RNF144A: variants seen among roughly 807,000 people sequenced by gnomAD.
RNF144A encodes the protein E3 ubiquitin-protein ligase RNF144A.
A neutral mutation model predicts 38.7 loss-of-function variants in RNF144A; 11 were observed. The observed-to-expected ratio is 0.28, with a 90% CI of 0.18 to 0.47. The LOEUF (loss-of-function observed/expected upper bound fraction) is 0.47, where lower values mean the gene tolerates loss of function less well. RNF144A is among the 20% of genes least tolerant of loss of function. The pLI, the probability that RNF144A is intolerant of heterozygous loss-of-function variation, is 0.99. For missense variants in RNF144A, 316 were observed against 377.2 expected, an observed-to-expected ratio of 0.84 and a Z score of 1.34; for synonymous variants, 149 against 143.9, an observed-to-expected ratio of 1.04 and a Z score of -0.25.
At chr2:7,017,741 G>A (rs1671233342) in intron 5 of RNF144A, among the ~76,000 whole-genome samples, 1 of 152,194 alleles carries the variant, frequency 6.6e-6, no homozygotes, top group Non-Finnish European at 1.5e-5. Flanking sequence ...ACACACACGT[G>A]TGTAGATTGG....
At chr2:7,031,620 G>A (rs1184259985) in intron 8 of RNF144A, among the ~76,000 whole-genome samples, 2 of 152,232 alleles carry the variant, frequency 1.3e-5, no homozygotes, top group African/African-American at 4.8e-5. Flanking sequence ...CTTCAGGAGA[G>A]CCTCTGAGGC....
At chr2:7,007,954 C>T (rs1005257160) in intron 3 of RNF144A, among the ~76,000 whole-genome samples, 1 of 152,230 alleles carries the variant, frequency 6.6e-6, no homozygotes, top group Non-Finnish European at 1.5e-5. Flanking sequence ...TCCCTCTCCA[C>T]CAGCCCAGCA....
intron 8 of RNF144A, among the ~76,000 whole-genome samples, chr2:7,031,039 G>A (rs1029986933): frequency 3.3e-5 from 5 of 152,110 alleles, no homozygotes; most frequent in Admixed American, 2.0e-4. Flanking sequence ...AGGCGGTAAC[G>A]TGAGCAATGG....
intron 7 of RNF144A, among the ~76,000 whole-genome samples, chr2:7,029,457 G>T (rs139055522): frequency 1.3e-5 from 2 of 152,208 alleles, no homozygotes; most frequent in Non-Finnish European, 2.9e-5. Context: ...GGAGGGAGGC[G>T]TCCACAGGTG....
intron 6 of RNF144A, among the ~76,000 whole-genome samples, chr2:7,051,450 A>G (rs1673520904): frequency 6.6e-6 from 1 of 152,192 alleles, no homozygotes; most frequent in Non-Finnish European, 1.5e-5. Context: ...GGATTTGCCT[A>G]CGCCACGGTA....
In RNF144A at chr2:7,040,250, G is replaced by T. The variant is rs1672965526; in HGVS notation, c.*490G>T. 1 of 985,568 alleles carries T rather than the reference G, an allele frequency of 1.0e-6. No homozygotes were observed. The highest frequency in any genetic ancestry group is 1.2e-6 in the Non-Finnish European group (1 of 830,058). 61.1% of individuals were successfully genotyped at this position (985,568 alleles called of 1,614,324 possible). A position where few individuals can be genotyped will look rare whatever the true frequency, so the allele number is the denominator to read the frequency against. ...CATTTAGTAAAATCCTTTTTAGAAG[G>T]TATTTTTTTTCCAACTGAGTAGTGA... On this transcript the variant is annotated 3_prime_UTR_variant, in exon 9 of 9. Coordinates refer to ENST00000320892, the MANE Select transcript of RNF144A (RefSeq NM_014746.6).
At chr2:6,988,667 C>T (rs961871698) in intron 2 of RNF144A, among the ~76,000 whole-genome samples, 1 of 152,134 alleles carries the variant, frequency 6.6e-6, no homozygotes, top group Non-Finnish European at 1.5e-5. Flanking sequence ...CTCATTGAGG[C>T]AGCGTTTGTC....
intron 2 of RNF144A, among the ~76,000 whole-genome samples, chr2:6,975,540 C>T (rs973213918): frequency 1.1e-4 from 16 of 152,186 alleles, no homozygotes; most frequent in South Asian, 4.1e-4. Context: ...CTTGGATATT[C>T]GGCCAGATGC....
intron 6 of RNF144A, among the ~76,000 whole-genome samples, chr2:7,050,687 G>T (rs917338453): frequency 6.6e-6 from 1 of 152,174 alleles, no homozygotes; most frequent in African/African-American, 2.4e-5. Context: ...TATTTCAGTA[G>T]CATAAATTCT....
At chr2:7,058,055 A>G (rs1324687697) in intron 6 of RNF144A, among the ~76,000 whole-genome samples, 2 of 152,190 alleles carry the variant, frequency 1.3e-5, no homozygotes, top group Non-Finnish European at 2.9e-5. Flanking sequence ...ACAACATGAA[A>G]GAGGCAAAGA....
At chr2:7,069,564 TC>T (rs1252023306), downstream of RNF144A, among the ~76,000 whole-genome samples, 1 of 152,226 alleles carries the variant, frequency 6.6e-6, no homozygotes, top group Non-Finnish European at 1.5e-5. Context: ...TCTTTCCCAC[TC>T]CTTCTCTTTC....
downstream of RNF144A, among the ~76,000 whole-genome samples, chr2:7,071,311 G>T (rs903312237): frequency 6.6e-6 from 1 of 152,164 alleles, no homozygotes; most frequent in Non-Finnish European, 1.5e-5. Context: ...AGGCAGAAAC[G>T]CAATGGGCAG....
At chr2:7,024,280 A>T in intron 6 of RNF144A, 89 bp from the exon 7 acceptor site, 1 of 1,164,562 alleles carries the variant, frequency 8.6e-7, no homozygotes, top group Non-Finnish European at 1.2e-6. Flanking sequence ...CAGTCTGTGA[A>T]GTGGAGCCGA....
At chr2:7,023,112 A>G (rs1671644847) in intron 6 of RNF144A, among the ~76,000 whole-genome samples, 1 of 152,184 alleles carries the variant, frequency 6.6e-6, no homozygotes, top group Non-Finnish European at 1.5e-5. Flanking sequence ...GACACGTAAC[A>G]CATAAATCGC....
the RNF144A span, among the ~76,000 whole-genome samples, chr2:7,076,031 T>C: frequency 6.6e-6 from 1 of 152,240 alleles, no homozygotes; most frequent in African/African-American, 2.4e-5. Context: ...GCTGTTTTGA[T>C]GAACATTTGT....
chr2:6,963,364 C>T (rs1667461822), intron 2 of RNF144A, among the ~76,000 whole-genome samples: 1 of 152,176 alleles, frequency 6.6e-6, no homozygotes. Context: ...TTGGCTCCAT[C>T]CTGTTCCTTA....
chr2:7,015,776 G>T (rs1277846223), intron 5 of RNF144A, among the ~76,000 whole-genome samples: 1 of 152,152 alleles, frequency 6.6e-6, no homozygotes, highest in Non-Finnish European at 1.5e-5. Flanking sequence ...CTTGCAGGCG[G>T]ATTCTGAGTT....
Position 6,941,621 on chromosome 2 carries a change from G to A in RNF144A, c.-12+474G>A, listed in dbSNP as rs543992917. Among the ~76,000 whole-genome samples the A allele has an allele frequency of 3.9e-5, 6 of 152,330 alleles. No homozygotes were observed. The highest frequency in any genetic ancestry group is 1.9e-4 in the East Asian group (1 of 5,188). On this transcript the variant is annotated intron_variant, in intron 2 of 8. Transcript: ENST00000320892. This position sits in a 1 kb window ranked among gnomAD's most constrained non-coding sequence, Gnocchi z 6.5. Reference sequence around the variant, plus strand: ...AGACAATTCTCATTTGACAGTAGCCGGAAGCAAATTATATACTATGCAACA... The same window carrying A: ...AGACAATTCTCATTTGACAGTAGCCAGAAGCAAATTATATACTATGCAACA...
intron 8 of RNF144A, among the ~76,000 whole-genome samples, chr2:7,032,820 T>C (rs1190587973): frequency 1.3e-5 from 2 of 152,196 alleles, no homozygotes; most frequent in Non-Finnish European, 2.9e-5. Flanking sequence ...CAATATATTG[T>C]TTTGTGAGGA....
Sources: gnomAD v4.1 joint callset for allele counts (sites outside exome capture counted in the v4.1 genomes callset) on GRCh38, gnomAD v4.1.1 for gene constraint, Gnocchi (gnomAD v3.1) non-coding constraint, MANE v1.5 for transcripts, NCBI Gene and HGNC (gene_info 2026-07-23, HGNC 2026-07-21) for gene names.